The following ABR variants were observed in gnomAD, a reference collection of about 807,000 sequenced individuals.
ABR encodes the protein active breakpoint cluster region-related protein.
ABR carries 35 observed loss-of-function variants against 107.2 expected under a neutral mutation model. That is an observed-to-expected ratio of 0.33 (90% CI 0.25 to 0.43). ABR has a LOEUF of 0.43. Among genes scored for constraint, ABR ranks in the 20% least tolerant of loss-of-function variants. The pLI is 1.00. For missense variants in ABR, 815 were observed against 1,115.2 expected (o/e 0.73, Z 3.83); for synonymous variants, 498 against 462.0 (o/e 1.08, Z -1.00).
intron 2 of ABR, 31 bp from the exon 3 acceptor site, chr17:1,100,766 C>T: frequency 6.2e-7 from 1 of 1,610,374 alleles, no homozygotes; most frequent in Non-Finnish European, 8.5e-7. Context: ...GCCAACAGCT[C>T]ATGAGCAAGG....
rs1214407703 is a variant in ABR, at chr17:1,210,646, T to G, written c.838+18147A>C. On this transcript the variant is annotated intron_variant, in intron 1 of 22. Coordinates refer to the ABR transcript ENST00000574139. The surrounding 1 kb of genome is among the most constrained non-coding windows in gnomAD (Gnocchi z 5.6). ...ATTGTGTTTGCTCTCAAGCCAAAAATCACTTTGGGCTGTTTCCTCTCTCTC... is the reference window on the plus strand; with the variant it reads ...ATTGTGTTTGCTCTCAAGCCAAAAAGCACTTTGGGCTGTTTCCTCTCTCTC... Among the ~76,000 whole-genome samples the G allele has an allele frequency of 6.6e-6, 1 of 152,216 alleles. No homozygotes were observed. The highest frequency in any genetic ancestry group is 1.5e-5 in the Non-Finnish European group (1 of 68,040).
chr17:1,036,594 G>A (rs966456816), intron 16 of ABR, among the ~76,000 whole-genome samples: 1 of 152,102 alleles, frequency 6.6e-6, no homozygotes, highest in Non-Finnish European at 1.5e-5. Context: ...CAGGCTCCAG[G>A]ATGAGAGAGA....
intron 16 of ABR, among the ~76,000 whole-genome samples, chr17:1,048,484 A>G (rs2031974125): frequency 6.6e-6 from 1 of 152,266 alleles, no homozygotes; most frequent in Non-Finnish European, 1.5e-5. Context: ...GCTAAAAAGC[A>G]TCGTTCAGCT....
intron 1 of ABR, among the ~76,000 whole-genome samples, chr17:1,156,830 G>A (rs199827250): frequency 2.6e-5 from 4 of 152,186 alleles, no homozygotes; most frequent in South Asian, 2.1e-4. Flanking sequence ...TCATAGTCAC[G>A]TAGTTACTTA....
At position 1,179,781 on chromosome 17, in the gene ABR, G is replaced by A; in HGVS notation, c.-54C>T. Reference sequence around the variant, plus strand: ...AACCCGACCCTCATCGCGCAACAAAGGAGGGAGAGCGGGCGGGAGCCGGGG... The same window carrying A: ...AACCCGACCCTCATCGCGCAACAAAAGAGGGAGAGCGGGCGGGAGCCGGGG... On this transcript the variant is annotated 5_prime_UTR_variant, in exon 1 of 23. Coordinates refer to ENST00000302538, the MANE Select transcript of ABR (RefSeq NM_021962.5). The surrounding 1 kb of genome is among the most constrained non-coding windows in gnomAD (Gnocchi z 4.9). 7.3e-7 allele frequency: 1 copy of A among 1,362,504 alleles called. No homozygotes were observed. Among genetic ancestry groups the A allele is most frequent in the Non-Finnish European group, 9.7e-7 (1 of 1,032,472 alleles). 84.4% of individuals were successfully genotyped at this position (1,362,504 alleles called of 1,614,324 possible). A position where few individuals can be genotyped will look rare whatever the true frequency, so the allele number is the denominator to read the frequency against.
At chr17:1,028,350 C>T (rs1290426093) in intron 16 of ABR, among the ~76,000 whole-genome samples, 1 of 152,002 alleles carries the variant, frequency 6.6e-6, no homozygotes, top group African/African-American at 2.4e-5. Flanking sequence ...CCACCCGCCT[C>T]TGCCTCCCAA....
chr17:1,027,466 T>C lies in ABR; in HGVS notation c.1792-14302A>G, dbSNP rs2072283944. ...TCATCAGATTCTCAGAGTCCAGGGTTCCCGCTCTGCGGACTCAAGCAAGCC... is the reference window on the plus strand; with the variant it reads ...TCATCAGATTCTCAGAGTCCAGGGTCCCCGCTCTGCGGACTCAAGCAAGCC... On this transcript the variant is annotated intron_variant, in intron 16 of 22. Coordinates refer to ENST00000302538, the MANE Select transcript of ABR (RefSeq NM_021962.5). This position sits in a 1 kb window ranked among gnomAD's most constrained non-coding sequence, Gnocchi z 4.7. 6.6e-6 allele frequency among the ~76,000 whole-genome samples: 1 copy of C among 152,154 alleles called. No homozygotes were observed. Among genetic ancestry groups the C allele is most frequent in the Non-Finnish European group, 1.5e-5 (1 of 68,020 alleles).
At chr17:1,178,832 A>T (rs11651840) in intron 1 of ABR, among the ~76,000 whole-genome samples, 1 of 148,092 alleles carries the variant, frequency 6.8e-6, no homozygotes, top group African/African-American at 2.5e-5. Context: ...CCTTTCTAGC[A>T]ACGGAGCAGG....
At chr17:1,033,652 T>C (rs1474504489) in intron 16 of ABR, among the ~76,000 whole-genome samples, 2 of 152,158 alleles carry the variant, frequency 1.3e-5, no homozygotes, top group South Asian at 2.1e-4. Flanking sequence ...CCAGCTCCAC[T>C]TCTTCCTGGC....
At chr17:1,129,701 C>T (rs2039743982) in intron 1 of ABR, among the ~76,000 whole-genome samples, 2 of 152,142 alleles carry the variant, frequency 1.3e-5, no homozygotes, top group South Asian at 4.1e-4. Flanking sequence ...GTAATCCCAG[C>T]ACTTTGGGAG....
At chr17:1,073,700 G>T (rs754622291) in intron 6 of ABR, 23 bp from the exon 7 acceptor site, 1 of 1,591,114 alleles carries the variant, frequency 6.3e-7, no homozygotes, top group East Asian at 2.2e-5. Context: ...ACAGGGAGAA[G>T]GAGGAAGAGG....
chr17:1,112,106 C>T (rs1011244328), intron 2 of ABR, among the ~76,000 whole-genome samples: 1 of 152,230 alleles, frequency 6.6e-6, no homozygotes. Flanking sequence ...TACACCCACA[C>T]GACCACACGT....
chr17:1,208,882 C>T (rs1232199909), intron 1 of ABR, among the ~76,000 whole-genome samples: 57 of 141,216 alleles, frequency 4.0e-4, no homozygotes, highest in African/African-American at 1.5e-3. Flanking sequence ...TGTGAGACTC[C>T]GTCTCAAAAA....
chr17:1,025,142 A>C (rs1318034058), intron 16 of ABR, among the ~76,000 whole-genome samples: 1 of 143,988 alleles, frequency 6.9e-6, no homozygotes, highest in African/African-American at 2.6e-5. Context: ...AAAAAAATAC[A>C]AAACTTGGCC....
chr17:1,029,823 C>T (rs1414942474), intron 16 of ABR, among the ~76,000 whole-genome samples: 30 of 95,554 alleles, frequency 3.1e-4, no homozygotes, highest in African/African-American at 7.1e-4. Flanking sequence ...CCCGTGTCCA[C>T]GACACGGACA....
intron 2 of ABR, chr17:1,109,022 T>C (rs2038467731): frequency 2.5e-6 from 4 of 1,597,032 alleles, no homozygotes; most frequent in Non-Finnish European, 3.4e-6. Flanking sequence ...ATCTTCGTCC[T>C]CCAGAACCTT....
chr17:1,072,561 G>T (rs2035327815), intron 8 of ABR, 53 bp downstream of exon 8: 2 of 1,541,000 alleles, frequency 1.3e-6, no homozygotes, highest in Admixed American at 4.3e-5. Context: ...AGGGGACGAG[G>T]GACCTGATAC....
At chr17:1,073,000 T>C (rs1048075921) in intron 7 of ABR, among the ~76,000 whole-genome samples, 2 of 151,898 alleles carry the variant, frequency 1.3e-5, no homozygotes, top group African/African-American at 4.8e-5. Flanking sequence ...GGCAACGTGG[T>C]GAAACCCCAT....
intron 1 of ABR, among the ~76,000 whole-genome samples, chr17:1,207,873 G>A (rs146545729): frequency 0.034 from 5,146 of 151,544 alleles, 210 homozygotes; most frequent in African/African-American, 0.1. Flanking sequence ...GGGTTCAAGC[G>A]ATTCTCCTGC....
Sources: gnomAD v4.1 joint callset for allele counts (sites outside exome capture counted in the v4.1 genomes callset) on GRCh38, gnomAD v4.1.1 for gene constraint, Gnocchi (gnomAD v3.1) non-coding constraint, MANE v1.5 for transcripts, NCBI Gene and HGNC (gene_info 2026-07-23, HGNC 2026-07-21) for gene names.